The following ZNF717 variants were observed in gnomAD, a reference collection of about 807,000 sequenced individuals.
The protein encoded by ZNF717 is krueppel-like factor X17.
In ZNF717, 9 loss-of-function variants were observed where a neutral mutation model predicts 13.8. The observed-to-expected ratio is 0.65, with a 90% CI of 0.39 to 1.14. ZNF717 has a LOEUF of 1.14. Ranked by LOEUF, ZNF717 falls within the 50% of genes most tolerant of loss-of-function variation. ZNF717 has a pLI of 0.01. For synonymous variants in ZNF717, 327 were observed against 364.1 expected, an observed-to-expected ratio of 0.90 and a Z score of 1.16; for missense variants, 1,040 against 1,080.7, an observed-to-expected ratio of 0.96 and a Z score of 0.53.
intron 2 of ZNF717, among the ~76,000 whole-genome samples, chr3:75,780,558 C>A (rs1397600105): frequency 7.4e-6 from 1 of 135,266 alleles, no homozygotes; most frequent in Non-Finnish European, 1.7e-5. Context: ...CCCACCACCA[C>A]GCTCGGCTAA....
chr3:75,778,470 A>C (rs1468303179), intron 2 of ZNF717, among the ~76,000 whole-genome samples: 1 of 152,008 alleles, frequency 6.6e-6, no homozygotes, highest in Non-Finnish European at 1.5e-5. Context: ...CCAGAAACCC[A>C]AAACAGTGGG....
At chr3:75,733,522 T>TA (rs1255087803), downstream of ZNF717, among the ~76,000 whole-genome samples, 1 of 152,058 alleles carries the variant, frequency 6.6e-6, no homozygotes, top group East Asian at 1.9e-4. Flanking sequence ...CTCATGCCTG[T>TA]AATCCCAGTA....
At chr3:75,719,268 G>T (rs1173142663) in intron 4 of ZNF717, among the ~76,000 whole-genome samples, 3 of 146,334 alleles carry the variant, frequency 2.1e-5, no homozygotes, top group Non-Finnish European at 4.5e-5. Flanking sequence ...CTGGGTGATA[G>T]AGTGTCACCC....
chr3:75,725,110 A>G (rs796547182), downstream of ZNF717, among the ~76,000 whole-genome samples: 2 of 149,008 alleles, frequency 1.3e-5, no homozygotes, highest in Admixed American at 1.3e-4. Context: ...AAATATTTCC[A>G]TTTTCCATGT....
At chr3:75,765,344 A>C (rs1943378642) in intron 2 of ZNF717, among the ~76,000 whole-genome samples, 1 of 152,178 alleles carries the variant, frequency 6.6e-6, no homozygotes, top group African/African-American at 2.4e-5. Flanking sequence ...GTATACTTAC[A>C]ACTGGTTATG....
At chr3:75,774,599 A>T (rs1463640539) in intron 2 of ZNF717, among the ~76,000 whole-genome samples, 2 of 150,098 alleles carry the variant, frequency 1.3e-5, no homozygotes, top group Admixed American at 1.3e-4. Context: ...AGAATTTCTA[A>T]AATTCTTGTG....
downstream of ZNF717, chr3:75,732,267 T>G (rs62250091): frequency 7.7e-6 from 4 of 517,766 alleles, no homozygotes; most frequent in East Asian, 1.2e-4. Flanking sequence ...GAAGGGAAAT[T>G]CCCAACTCCA....
At chr3:75,757,826 A>G (rs1942622314) in intron 2 of ZNF717, among the ~76,000 whole-genome samples, 1 of 151,916 alleles carries the variant, frequency 6.6e-6, no homozygotes, top group South Asian at 2.1e-4. Context: ...ACATTAGGAG[A>G]AGTTGGGGCC....
chr3:75,727,234 ATG>A (rs1347109167), downstream of ZNF717, among the ~76,000 whole-genome samples: 2 of 45,986 alleles, frequency 4.3e-5, no homozygotes, highest in East Asian at 4.9e-4. Context: ...TTTGTAAAAC[ATG>A]TGTGTTCAAA....
downstream of ZNF717, among the ~76,000 whole-genome samples, chr3:75,708,929 G>A (rs1205145326): frequency 6.6e-5 from 10 of 152,084 alleles, no homozygotes; most frequent in East Asian, 1.9e-4. Context: ...GTGGCAGCAG[G>A]CACATTACAT....
chr3:75,755,308 T>A (rs1274233057), intron 2 of ZNF717, among the ~76,000 whole-genome samples: 1 of 152,276 alleles, frequency 6.6e-6, no homozygotes, highest in Non-Finnish European at 1.5e-5. Context: ...ATGTATTTAT[T>A]CTTAATTGAT....
chr3:75,754,198 T>C (rs1575860732), intron 2 of ZNF717, among the ~76,000 whole-genome samples: 1 of 152,358 alleles, frequency 6.6e-6, no homozygotes, highest in Non-Finnish European at 1.5e-5. Context: ...CAGTCTAAAG[T>C]ATTTTGTTAT....
downstream of ZNF717, among the ~76,000 whole-genome samples, chr3:75,707,214 C>T (rs75018665): frequency 1.1e-3 from 152 of 141,642 alleles, no homozygotes; most frequent in Non-Finnish European, 1.4e-3. Context: ...AAAGACAATA[C>T]ATATTAAGGC....
intron 6 of ZNF717, among the ~76,000 whole-genome samples, chr3:75,694,959 T>C (rs1327735435): frequency 1.3e-5 from 2 of 151,790 alleles, no homozygotes; most frequent in African/African-American, 2.4e-5. Flanking sequence ...AGAAAACAAA[T>C]AACAAAATGG....
chr3:75,780,774 G>C (rs540084194), intron 2 of ZNF717, among the ~76,000 whole-genome samples: 173 of 152,330 alleles, frequency 1.1e-3, no homozygotes, highest in African/African-American at 3.9e-3. Flanking sequence ...GGTCCCAACA[G>C]ACCAAACCAA....
chr3:75,784,144 G>C (rs947109805), intron 1 of ZNF717, among the ~76,000 whole-genome samples: 1 of 152,162 alleles, frequency 6.6e-6, no homozygotes, highest in African/African-American at 2.4e-5. Flanking sequence ...AGATTGTGAA[G>C]GAAACTATCT....
At chr3:75,784,337 A>G (rs1945017864) in intron 1 of ZNF717, among the ~76,000 whole-genome samples, 1 of 152,270 alleles carries the variant, frequency 6.6e-6, no homozygotes, top group African/African-American at 2.4e-5. Context: ...TTCCTTAAAC[A>G]GCAAGTATTA....
At chr3:75,771,390 C>T (rs1943857594) in intron 2 of ZNF717, among the ~76,000 whole-genome samples, 1 of 152,310 alleles carries the variant, frequency 6.6e-6, no homozygotes, top group Admixed American at 6.5e-5. Flanking sequence ...CTGGGGGCTG[C>T]CTGACTCCTG....
chr3:75,764,715 A>T (rs1283214591), intron 2 of ZNF717, among the ~76,000 whole-genome samples: 1 of 152,212 alleles, frequency 6.6e-6, no homozygotes, highest in African/African-American at 2.4e-5. Context: ...TGCAAATAGA[A>T]ACCACAATGG....
Sources: allele counts gnomAD v4.1 joint callset (sites outside exome capture counted in the v4.1 genomes callset), GRCh38; gene constraint gnomAD v4.1.1; transcripts MANE v1.5; gene names NCBI Gene and HGNC (gene_info 2026-07-23, HGNC 2026-07-21).